KIF18A: variants seen among roughly 807,000 people sequenced by gnomAD.
KIF18A encodes the protein kinesin family member 18A, also known as kinesin-like protein KIF18A.
In KIF18A, 67 loss-of-function variants were observed where a neutral mutation model predicts 103.3. That is an observed-to-expected ratio of 0.65 (90% CI 0.53 to 0.79). The LOEUF (loss-of-function observed/expected upper bound fraction) is 0.79. KIF18A is among the 30% of genes least tolerant of loss of function. The pLI is 0.00. For synonymous variants in KIF18A, 367 were observed against 355.5 expected (o/e 1.03, Z -0.36); for missense variants, 1,032 against 1,062.5 (o/e 0.97, Z 0.40).
At position 28,078,495 on chromosome 11, in the gene KIF18A, G is replaced by C. The variant is rs757313973; in HGVS notation, c.1263-1326C>G. On this transcript the variant is annotated intron_variant, in intron 9 of 16. Coordinates refer to ENST00000263181, the MANE Select transcript of KIF18A (RefSeq NM_031217.4). ...GTGGTGTTCACTGATTAGGATGAAA[G>C]GAAGGGAATTGGTATCAAAGGTTTC... Among the ~76,000 whole-genome samples the C allele has an allele frequency of 5.3e-5, 8 of 152,126 alleles. No homozygotes were observed. In the South Asian group the frequency reaches 8.3e-4, roughly 16 times the overall value.
chr11:28,052,977 G>A (rs548657832), intron 13 of KIF18A, among the ~76,000 whole-genome samples: 3 of 152,044 alleles, frequency 2.0e-5, no homozygotes, highest in Non-Finnish European at 4.4e-5. Flanking sequence ...ATGGAAAAAA[G>A]ATAGTATTTA....
At chr11:28,103,417 G>A (rs1043548736) in intron 1 of KIF18A, among the ~76,000 whole-genome samples, 1 of 151,818 alleles carries the variant, frequency 6.6e-6, no homozygotes, top group African/African-American at 2.4e-5. Context: ...GTCTAGTCTA[G>A]AGAGAGTAGG....
At chr11:28,079,217 C>G (rs1371413905) in intron 9 of KIF18A, among the ~76,000 whole-genome samples, 1 of 152,012 alleles carries the variant, frequency 6.6e-6, no homozygotes, top group Non-Finnish European at 1.5e-5. Flanking sequence ...GTATAGTAGA[C>G]TTGGTTAAGC....
In KIF18A at chr11:28,079,740, G is replaced by T. The variant is rs191950447; in HGVS notation, c.1263-2571C>A. Among the ~76,000 whole-genome samples, 5 of 149,274 alleles carry T rather than the reference G, an allele frequency of 3.3e-5. 1 individual carries two copies. The highest frequency in any genetic ancestry group is 5.9e-5 in the Non-Finnish European group (4 of 67,328). ...CCCTTTAATAAGCTGATGTACTTTG[G>T]AAGTTTCCTAGATTCCTTATGGAGT... On this transcript the variant is annotated intron_variant, in intron 9 of 16. Transcript: ENST00000263181.
At chr11:28,040,777 A>G (rs183471328) in intron 13 of KIF18A, among the ~76,000 whole-genome samples, 1 of 151,856 alleles carries the variant, frequency 6.6e-6, no homozygotes, top group African/African-American at 2.4e-5. Context: ...GTAGCAATGT[A>G]TGTTATGGTT....
At chr11:28,028,441 C>T (rs149043843) in intron 15 of KIF18A, among the ~76,000 whole-genome samples, 9,265 of 151,978 alleles carry the variant, frequency 0.061, 372 homozygotes, top group Non-Finnish European at 0.093. Flanking sequence ...GGGTACATAA[C>T]GAAATGAAGG....
At position 28,058,930 on chromosome 11, in the gene KIF18A, AG is replaced by A. The variant is rs1398286182; in HGVS notation, c.1943del (p.Pro648LeufsTer24). On this transcript the variant is annotated frameshift_variant, in exon 13 of 17. Coordinates refer to ENST00000263181, the MANE Select transcript of KIF18A (RefSeq NM_031217.4). LOFTEE classifies it high-confidence loss of function. ...FPQLGPVQPIPCCSSSGGTNL... is the reference protein window; with the variant it reads ...FPQLGPVQPIXCCSSSGGTNL... ...TAAAACGAAAGTTATACTTACAACA[AG>A]GAATAGGCTGAACTGGTCCAAGTTG... 4.1e-5 allele frequency: 66 copies of A among 1,611,416 alleles called. No homozygotes were observed. The highest frequency in any genetic ancestry group is 5.3e-5 in the Non-Finnish European group (63 of 1,178,304).
At chr11:28,026,728 A>G (rs1850326595) in intron 15 of KIF18A, among the ~76,000 whole-genome samples, 1 of 151,752 alleles carries the variant, frequency 6.6e-6, no homozygotes, top group Non-Finnish European at 1.5e-5. Context: ...CATTTGTGAC[A>G]TCTTAGTAAA....
rs1344889883 is a variant in KIF18A, at chr11:28,084,786, T to C, written c.920A>G (p.Tyr307Cys). The C allele has an allele frequency of 1.2e-6, 2 of 1,612,642 alleles. No homozygotes were observed. The highest frequency in any genetic ancestry group is 1.7e-6 in the Non-Finnish European group (2 of 1,179,194). The change falls in exon 7 of 17, where the codon TAC becomes TGC. Residue 307 changes from tyrosine (Y) to cysteine (C), a missense_variant. By Grantham distance (194) the Tyr-to-Cys change is radical. Transcript: ENST00000263181. ...CAAGCGAGTAAGCTTACTATTTCTG[T>C]AAGGGATATGCTGATTCTTTCTCTG... ...DSKRKNQHIP[Y>C]RNSKLTRLLK...
chr11:28,093,856 AG>A (rs1203596493), intron 3 of KIF18A, among the ~76,000 whole-genome samples: 2 of 152,176 alleles, frequency 1.3e-5, no homozygotes, highest in Non-Finnish European at 2.9e-5. Flanking sequence ...AATAGATAAA[AG>A]TTTGAGGAGT....
In KIF18A at chr11:28,074,324, T is replaced by A. The variant is rs551618911; in HGVS notation, c.1425+2683A>T. Among the ~76,000 whole-genome samples, 145 of 152,280 alleles carry A rather than the reference T, an allele frequency of 9.5e-4. No homozygotes were observed. The South Asian group carries it at 0.013, about 14-fold the overall frequency. On this transcript the variant is annotated intron_variant, in intron 10 of 16. Transcript: ENST00000263181. The stretch of plus-strand genomic sequence containing the variant: ...AAATTAATCCAATGAGATAGTTATT[T>A]GGAAGTCATTACATTTATCAAAGAA...
chr11:28,036,103 AAAAC>A (rs202082088), intron 14 of KIF18A, 110 bp downstream of exon 14: 8,986 of 630,760 alleles, frequency 0.014, 93 homozygotes, highest in Non-Finnish European at 0.02. Flanking sequence ...TAATGAAAAT[AAAAC>A]AGACTGTTTT....
At chr11:28,057,272 T>C (rs943076696) in intron 13 of KIF18A, among the ~76,000 whole-genome samples, 1 of 152,058 alleles carries the variant, frequency 6.6e-6, no homozygotes, top group Non-Finnish European at 1.5e-5. Context: ...TCCCAGCACT[T>C]TGGGAGGCCG....
intron 13 of KIF18A, among the ~76,000 whole-genome samples, chr11:28,045,181 T>G (rs1163351282): frequency 6.6e-6 from 1 of 152,046 alleles, no homozygotes; most frequent in African/African-American, 2.4e-5. Context: ...TAAAAAAGAC[T>G]TGAAAAAAGT....
intron 6 of KIF18A, among the ~76,000 whole-genome samples, chr11:28,086,982 A>T (rs530368069): frequency 6.6e-6 from 1 of 152,222 alleles, no homozygotes; most frequent in East Asian, 1.9e-4. Flanking sequence ...TTTTTTTAAA[A>T]AAAAAACCTG....
At chr11:28,106,481 T>C (rs1851506793) in intron 1 of KIF18A, among the ~76,000 whole-genome samples, 1 of 150,356 alleles carries the variant, frequency 6.7e-6, no homozygotes, top group South Asian at 2.1e-4. Context: ...GAATAAAAGG[T>C]TCAACTGGAG....
intron 13 of KIF18A, among the ~76,000 whole-genome samples, chr11:28,048,590 CTAATA>C (rs957119480): frequency 2.0e-5 from 3 of 151,906 alleles, no homozygotes; most frequent in Non-Finnish European, 2.9e-5. Context: ...AAACTAAATA[CTAATA>C]TAAGTTAATA....
rs1936528672 is a variant in KIF18A, at chr11:28,091,532, G to C, written c.484-19C>G. ...TATATACCTTAAAATAAAAAGAACT[G>C]CTTTAGCATTGATGTAAAAAAAAAA... On this transcript the variant is annotated intron_variant, in intron 3 of 16. Coordinates refer to ENST00000263181, the MANE Select transcript of KIF18A (RefSeq NM_031217.4). The C allele has an allele frequency of 1.5e-6, 2 of 1,350,252 alleles. No individual in the cohort carries two copies. The highest frequency in any genetic ancestry group is 2.9e-5 in the African/African-American group (2 of 67,996). The allele number at this position is 1,350,252 out of a possible 1,614,324, so 83.6% of individuals were successfully genotyped here.
At chr11:28,021,627 A>G (rs1385782796) in intron 16 of KIF18A, among the ~76,000 whole-genome samples, 5 of 152,016 alleles carry the variant, frequency 3.3e-5, no homozygotes, top group African/African-American at 1.2e-4. Context: ...TTGTATCACC[A>G]TTTTTTCTCA....
Sources: allele counts gnomAD v4.1 joint callset (sites outside exome capture counted in the v4.1 genomes callset), GRCh38; gene constraint gnomAD v4.1.1; transcripts MANE v1.5; gene names NCBI Gene and HGNC (gene_info 2026-07-23, HGNC 2026-07-21).